The following CREB5 variants were observed in gnomAD, a reference collection of about 807,000 sequenced individuals.
CREB5 encodes cAMP responsive element binding protein 5.
In CREB5, 19 loss-of-function variants were observed where a neutral mutation model predicts 57.1. That is an observed-to-expected ratio of 0.33 (90% CI 0.23 to 0.49). CREB5 has a LOEUF of 0.49. Among genes scored for constraint, CREB5 ranks in the 20% least tolerant of loss-of-function variants. CREB5 has a pLI of 0.99. For missense variants in CREB5, 579 were observed against 671.6 expected, an observed-to-expected ratio of 0.86 and a Z score of 1.52; for synonymous variants, 238 against 238.3, an observed-to-expected ratio of 1.00 and a Z score of 0.01.
At chr7:28,605,744 G>A (rs1215108232) in intron 5 of CREB5, among the ~76,000 whole-genome samples, 1 of 151,210 alleles carries the variant, frequency 6.6e-6, no homozygotes, top group African/African-American at 2.4e-5. Flanking sequence ...CAAAATGAGG[G>A]GTTTCACAAA....
intron 1 of CREB5, among the ~76,000 whole-genome samples, chr7:28,436,116 T>C (rs1162693156): frequency 5.3e-4 from 4 of 7,602 alleles, no homozygotes; most frequent in Admixed American, 1.4e-3. Flanking sequence ...TGTCACAAAG[T>C]GAATTTTTTT....
chr7:28,620,233 T>TTTA (rs965033495), intron 5 of CREB5, among the ~76,000 whole-genome samples: 2 of 152,154 alleles, frequency 1.3e-5, no homozygotes, highest in African/African-American at 2.4e-5. Flanking sequence ...TTGTTCTTGT[T>TTTA]TTATTATTAT....
At position 28,660,093 on chromosome 7, in the gene CREB5, T is replaced by C. The variant is rs10245521; in HGVS notation, c.465-58660T>C. ...ACTGCATTGAAATGAGCTGAGATGA[T>C]TGGCAGTTTTGCTTGCCTGTAAATG... is the stretch of plus-strand genomic sequence containing the variant. On this transcript the variant is annotated intron_variant, in intron 5 of 10. Coordinates refer to ENST00000357727, the MANE Select transcript of CREB5 (RefSeq NM_182898.4). 7.3e-3 allele frequency among the ~76,000 whole-genome samples: 1,109 copies of C among 152,306 alleles called. 24 individuals carry two copies. Among genetic ancestry groups the C allele is most frequent in the African/African-American group, 0.025 (1,025 of 41,566 alleles).
chr7:28,495,051 G>A lies in CREB5; in HGVS notation c.169+52G>A, dbSNP rs548568812. On this transcript the variant is annotated intron_variant, in intron 3 of 10. Coordinates refer to ENST00000357727, the MANE Select transcript of CREB5 (RefSeq NM_182898.4). ...TTGGGTGATCAGATCTGTTCCATGC[G>A]AGATACTTGTTCTTCTTTTGGTAGG... 8.6e-6 allele frequency: 11 copies of A among 1,274,100 alleles called. No homozygotes were observed. In the East Asian group the frequency reaches 1.8e-4, roughly 20 times the overall value. The allele number at this position is 1,274,100 out of a possible 1,614,324, so 78.9% of individuals were successfully genotyped here.
chr7:28,758,799 T>C (rs1395959489), intron 7 of CREB5, among the ~76,000 whole-genome samples: 1 of 152,228 alleles, frequency 6.6e-6, no homozygotes, highest in Non-Finnish European at 1.5e-5. Flanking sequence ...TGGAGTCCTC[T>C]AGGAGAAATT....
chr7:28,303,790 G>C (rs184394956), intron 1 of CREB5, among the ~76,000 whole-genome samples: 2 of 152,238 alleles, frequency 1.3e-5, no homozygotes, highest in Admixed American at 1.3e-4. Flanking sequence ...ATAAGAATTT[G>C]AGAAATGTGG....
chr7:28,653,323 C>T (rs1298875095), intron 5 of CREB5, among the ~76,000 whole-genome samples: 2 of 152,130 alleles, frequency 1.3e-5, no homozygotes, highest in Non-Finnish European at 1.5e-5. Context: ...AGGTGATTTT[C>T]TTAGGAACAG....
chr7:28,713,548 C>T (rs975224403), intron 5 of CREB5, among the ~76,000 whole-genome samples: 5 of 152,156 alleles, frequency 3.3e-5, no homozygotes, highest in Non-Finnish European at 4.4e-5. Flanking sequence ...CTGGCTGGAC[C>T]GGCTTGATTT....
At chr7:28,604,204 G>T (rs1158129490) in intron 5 of CREB5, among the ~76,000 whole-genome samples, 2 of 152,080 alleles carry the variant, frequency 1.3e-5, no homozygotes, top group Non-Finnish European at 2.9e-5. Flanking sequence ...TATTGGCTTT[G>T]GTGCCCTTTT....
chr7:28,672,215 A>ACACC (rs1491194022), intron 5 of CREB5, among the ~76,000 whole-genome samples: 1 of 151,768 alleles, frequency 6.6e-6, no homozygotes, highest in East Asian at 1.9e-4. Flanking sequence ...ACACACACAC[A>ACACC]AACACTGGAC....
At chr7:28,551,855 CT>C (rs370075658) in intron 4 of CREB5, among the ~76,000 whole-genome samples, 13 of 132,206 alleles carry the variant, frequency 9.8e-5, no homozygotes, top group African/African-American at 3.3e-4. Flanking sequence ...TTCTTTCTTT[CT>C]TTTCTTTCTT....
chr7:28,445,648 T>C (rs1449459679), intron 1 of CREB5, among the ~76,000 whole-genome samples: 2 of 151,944 alleles, frequency 1.3e-5, no homozygotes, highest in Non-Finnish European at 1.5e-5. Context: ...GCCTCCCAGG[T>C]TCACGCCATT....
At position 28,361,001 on chromosome 7, in the gene CREB5, G is replaced by T. The variant is rs570374490; in HGVS notation, c.-25+61560G>T. Among the ~76,000 whole-genome samples, 4 of 152,198 alleles carry T rather than the reference G, an allele frequency of 2.6e-5. No homozygotes were observed. The South Asian group carries it at 8.3e-4, about 32-fold the overall frequency. ...CATCTAGTAGATAGGGGCCAGGGATGCTGCTGAACATCCTGTAATGCACAG... is the reference window on the plus strand; with the variant it reads ...CATCTAGTAGATAGGGGCCAGGGATTCTGCTGAACATCCTGTAATGCACAG... On this transcript the variant is annotated intron_variant, in intron 1 of 9. Coordinates refer to the CREB5 transcript ENST00000396299.
chr7:28,544,569 A>G (rs780311834), intron 4 of CREB5, among the ~76,000 whole-genome samples: 3 of 152,206 alleles, frequency 2.0e-5, no homozygotes, highest in Non-Finnish European at 2.9e-5. Context: ...GTACTTTGCA[A>G]TATGGTTTTT....
At chr7:28,476,974 G>T (rs569107760) in intron 1 of CREB5, among the ~76,000 whole-genome samples, 4 of 152,156 alleles carry the variant, frequency 2.6e-5, no homozygotes, top group Admixed American at 6.5e-5. Context: ...TCCTTCTGGA[G>T]AATCATTGCC....
rs974852223 is a variant in CREB5, at chr7:28,440,574, G to T, written c.3+27657G>T. Reference sequence around the variant, plus strand: ...TTTAACAAGCCTGAAAAGTAACCTGGTGGTTTACTAGCTTTAGGACTGCAA... The same window carrying T: ...TTTAACAAGCCTGAAAAGTAACCTGTTGGTTTACTAGCTTTAGGACTGCAA... On this transcript the variant is annotated intron_variant, in intron 1 of 10. Coordinates refer to ENST00000357727, the MANE Select transcript of CREB5 (RefSeq NM_182898.4). 4.6e-5 allele frequency among the ~76,000 whole-genome samples: 7 copies of T among 152,266 alleles called. No homozygotes were observed. The South Asian group carries it at 6.2e-4, about 14-fold the overall frequency.
chr7:28,801,309 A>G (rs1207860139), intron 7 of CREB5, among the ~76,000 whole-genome samples: 9 of 152,238 alleles, frequency 5.9e-5, no homozygotes, highest in Non-Finnish European at 1.3e-4. Context: ...TATAAAAAGT[A>G]TACTTTTATA....
rs191425410 is a variant in CREB5 at position 28,782,687 on chromosome 7, T to C, written c.703-21512T>C. 8.4e-4 allele frequency among the ~76,000 whole-genome samples: 128 copies of C among 152,218 alleles called. 1 individual carries two copies. The highest frequency in any genetic ancestry group is 2.9e-3 in the African/African-American group (121 of 41,526). ...TGGAATGCACGTGTTGGAAATATCA[T>C]CAAAAAGAGCTAACATTAAGGATTT... On this transcript the variant is annotated intron_variant, in intron 7 of 10. Coordinates refer to ENST00000357727, the MANE Select transcript of CREB5 (RefSeq NM_182898.4).
rs1554301239 is a variant in CREB5 at position 28,802,078 on chromosome 7, G to GGAA, written c.703-2121_703-2120insGAA. 3.0e-4 allele frequency among the ~76,000 whole-genome samples: 8 copies of GGAA among 26,650 alleles called. No homozygotes were observed. The East Asian group carries it at 7.3e-3, about 24-fold the overall frequency. The allele number at this position is 26,650 out of a possible 152,430, so 17.5% of individuals were successfully genotyped here. ...CTGGCGACACAGCGAGACTCCATCT[G>GGAA]AAAAAAAAAAAAAAAAAAAAAAAAA... On this transcript the variant is annotated intron_variant, in intron 7 of 10. Coordinates refer to ENST00000357727, the MANE Select transcript of CREB5 (RefSeq NM_182898.4).
Sources: allele counts gnomAD v4.1 joint callset (sites outside exome capture counted in the v4.1 genomes callset), GRCh38; gene constraint gnomAD v4.1.1; transcripts MANE v1.5; gene names NCBI Gene and HGNC (gene_info 2026-07-23, HGNC 2026-07-21).